LRRC4B: variants seen among roughly 807,000 people sequenced by gnomAD.
LRRC4B encodes leucine-rich repeat-containing protein 4B.
Under a neutral mutation model 7.3 loss-of-function variants are expected in LRRC4B, and 1 was observed. The ratio of observed to expected loss-of-function variants is 0.14; its 90% confidence interval spans 0.05 to 0.65. The LOEUF (loss-of-function observed/expected upper bound fraction) is 0.65, where lower values mean the gene tolerates loss of function less well. LRRC4B is among the 30% of genes least tolerant of loss of function. The pLI, the probability that LRRC4B is intolerant of heterozygous loss-of-function variation, is 0.84. For missense variants in LRRC4B, 730 were observed against 1,041.6 expected (o/e 0.70, Z 4.12); for synonymous variants, 500 against 499.2 (o/e 1.00, Z -0.02).
chr19:50,549,002 G>C, intron 1 of LRRC4B, 129 bp from the exon 2 acceptor site: 4 of 588,838 alleles, frequency 6.8e-6, no homozygotes, highest in Non-Finnish European at 5.9e-6. Flanking sequence ...AAGGGACAGG[G>C]AGGGAGACAG....
intron 1 of LRRC4B, among the ~76,000 whole-genome samples, chr19:50,554,623 G>A (rs1982210270): frequency 6.6e-6 from 1 of 152,160 alleles, no homozygotes; most frequent in Non-Finnish European, 1.5e-5. Context: ...ACACACATCT[G>A]ACTTGCGTGA....
intron 2 of LRRC4B, among the ~76,000 whole-genome samples, chr19:50,535,027 C>A (rs1218389281): frequency 1.3e-5 from 2 of 151,938 alleles, no homozygotes. Flanking sequence ...TGCCACCACA[C>A]CCAGCTAATT....
rs543290446 is a variant in LRRC4B, at chr19:50,518,333, C to G, written c.1380G>C (p.Ala460=). The G allele has an allele frequency of 3.1e-6, 5 of 1,605,838 alleles. No homozygotes were observed. Among genetic ancestry groups the G allele is most frequent in the African/African-American group, 1.3e-5 (1 of 74,642 alleles). ...TLNVSAVDPV[A]AGGTGSGGGG... is the part of the protein sequence containing the mutation. ...CCCCGCCGCTGCCGGTGCCCCCGGC[C>G]GCCACGGGGTCCACGGCCGAGACGT... The change falls in exon 3 of 3, where the codon GCG becomes GCC. Residue 460 remains alanine, a synonymous_variant. Coordinates refer to ENST00000652263, the MANE Select transcript of LRRC4B (RefSeq NM_001080457.2).
At position 50,517,219 on chromosome 19, in the gene LRRC4B, T is replaced by G. The variant is rs1980303852; in HGVS notation, c.*352A>C. 5.0e-6 allele frequency: 1 copy of G among 201,424 alleles called. No homozygotes were observed. The highest frequency in any genetic ancestry group is 1.0e-5 in the Non-Finnish European group (1 of 100,482). The allele number at this position is 201,424 out of a possible 1,614,324, so 12.5% of individuals were successfully genotyped here. Reference sequence around the variant, plus strand: ...TGGGGCCGAGGGGAAAGGACACCCCTGGAGAAAGCTCCTCTCTCCCCTGGA... The same window carrying G: ...TGGGGCCGAGGGGAAAGGACACCCCGGGAGAAAGCTCCTCTCTCCCCTGGA... On this transcript the variant is annotated 3_prime_UTR_variant, in exon 3 of 3. Coordinates refer to ENST00000652263, the MANE Select transcript of LRRC4B (RefSeq NM_001080457.2). The surrounding 1 kb of genome is among the most constrained non-coding windows in gnomAD (Gnocchi z 6.6).
Position 50,518,169 on chromosome 19 carries a change from C to T in LRRC4B, c.1544G>A (p.Gly515Glu), listed in dbSNP as rs766126146. 1.5e-5 allele frequency: 24 copies of T among 1,607,066 alleles called. No individual in the cohort carries two copies. The highest frequency in any genetic ancestry group is 2.0e-5 in the Non-Finnish European group (24 of 1,178,608). ...ACCCCAGACACCGTCTGTCGTGGGC[C>T]CTGGCGGTTCCTTCTCCGTCCCCCG... ...QPRGTEKEPP[G>E]PTTDGVWGGG... The change falls in exon 3 of 3, where the codon GGG becomes GAG. Residue 515 changes from glycine (G) to glutamate (E), a missense_variant. Around this residue, in one of 6 missense-constraint regions of LRRC4B, gnomAD observed 192 missense variants for 228.6 expected, o/e 0.84. Coordinates refer to ENST00000652263, the MANE Select transcript of LRRC4B (RefSeq NM_001080457.2).
Position 50,517,180 on chromosome 19 carries a change from A to C in LRRC4B, c.*391T>G. ...CGTCAAACTGCAAAAACTGAACCGT[A>C]AAAGGAAGGTGTTTGGGGCCGAGGG... On this transcript the variant is annotated 3_prime_UTR_variant, in exon 3 of 3. Transcript: ENST00000652263. This position sits in a 1 kb window ranked among gnomAD's most constrained non-coding sequence, Gnocchi z 6.6. 1.2e-5 allele frequency: 2 copies of C among 162,266 alleles called. No homozygotes were observed. Among genetic ancestry groups the C allele is most frequent in the East Asian group, 1.7e-4 (1 of 5,758 alleles). The allele number at this position is 162,266 out of a possible 1,614,324, so 10.1% of individuals were successfully genotyped here. A position where few individuals can be genotyped will look rare whatever the true frequency, so the allele number is the denominator to read the frequency against.
At chr19:50,533,032 T>C (rs1170567688) in intron 2 of LRRC4B, among the ~76,000 whole-genome samples, 2 of 152,234 alleles carry the variant, frequency 1.3e-5, no homozygotes, top group African/African-American at 4.8e-5. Flanking sequence ...TCATTAAAGC[T>C]ACATCACCTT....
chr19:50,554,365 C>T (rs564874529), intron 1 of LRRC4B, among the ~76,000 whole-genome samples: 1 of 152,064 alleles, frequency 6.6e-6, no homozygotes, highest in African/African-American at 2.4e-5. Context: ...GGGTCACCCT[C>T]CGTGCCCCAG....
intron 1 of LRRC4B, among the ~76,000 whole-genome samples, chr19:50,566,368 G>A (rs1207090242): frequency 6.6e-6 from 1 of 151,882 alleles, no homozygotes; most frequent in Admixed American, 6.5e-5. Context: ...AGCTGGAGAG[G>A]GGGGCGGGGA....
chr19:50,540,032 T>TA (rs1457628425), intron 2 of LRRC4B, among the ~76,000 whole-genome samples: 1 of 152,198 alleles, frequency 6.6e-6, no homozygotes, highest in African/African-American at 2.4e-5. Flanking sequence ...CTCGGTCTTT[T>TA]AAAATATATT....
chr19:50,519,377 C>T lies in LRRC4B; in HGVS notation c.336G>A (p.Leu112=), dbSNP rs754389357. The T allele has an allele frequency of 5.0e-6, 8 of 1,606,842 alleles. No homozygotes were observed. The highest frequency in any genetic ancestry group is 8.5e-7 in the Non-Finnish European group (1 of 1,178,912). ...GGTTCTTGCTCAGCTGCAGAATCTC[C>T]AGGTGCCGCAGGTGCTTGAACGTGT... ...RTDTFKHLRH[L]EILQLSKNLV... The change falls in exon 3 of 3, where the codon CTG becomes CTA. Residue 112 remains leucine, a synonymous_variant. Transcript: ENST00000652263. This position sits in a 1 kb window ranked among gnomAD's most constrained non-coding sequence, Gnocchi z 8.1.
At chr19:50,528,127 CA>C (rs1980898479) in intron 2 of LRRC4B, among the ~76,000 whole-genome samples, 1 of 152,036 alleles carries the variant, frequency 6.6e-6, no homozygotes. Flanking sequence ...ACTGCAGCCT[CA>C]ACCTCCTGGG....
intron 2 of LRRC4B, among the ~76,000 whole-genome samples, chr19:50,542,403 G>A (rs1264996038): frequency 6.6e-5 from 10 of 152,144 alleles, no homozygotes. Flanking sequence ...GAGGCTCCAG[G>A]CTTGCAGGCC....
rs559851826 is a variant in LRRC4B, at chr19:50,542,071, G to A, written c.297+6471C>T. Among the ~76,000 whole-genome samples, 5 of 152,312 alleles carry A rather than the reference G, an allele frequency of 3.3e-5. No homozygotes were observed. In the South Asian group the frequency reaches 1.0e-3, roughly 32 times the overall value. ...TAAATTAAGAATACGTGTACGCAAA[G>A]CAACAATACCCATTTTGCAAGAACA... On this transcript the variant is annotated intron_variant, in intron 2 of 2. Coordinates refer to ENST00000652263, the MANE Select transcript of LRRC4B (RefSeq NM_001080457.2).
intron 2 of LRRC4B, among the ~76,000 whole-genome samples, chr19:50,529,677 C>A (rs916165586): frequency 6.6e-6 from 1 of 152,022 alleles, no homozygotes; most frequent in Non-Finnish European, 1.5e-5. Flanking sequence ...TGATGATGCA[C>A]GCCTGTAATC....
At chr19:50,557,212 G>C (rs1397746981) in intron 1 of LRRC4B, among the ~76,000 whole-genome samples, 1 of 152,144 alleles carries the variant, frequency 6.6e-6, no homozygotes, top group Admixed American at 6.5e-5. Flanking sequence ...AGAGGGAGGA[G>C]CCAGGCTCTT....
At chr19:50,536,538 C>T (rs1179055678) in intron 2 of LRRC4B, among the ~76,000 whole-genome samples, 1 of 152,162 alleles carries the variant, frequency 6.6e-6, no homozygotes, top group Non-Finnish European at 1.5e-5. Context: ...CTGGCACACA[C>T]TAGGTGCTCA....
In LRRC4B at chr19:50,563,170, C is replaced by A. The variant is rs564658847; in HGVS notation, c.-36+4774G>T. ...CCGCCTGCCTCCCGCAGTGAGCCCC[C>A]ATCAGCCCCTCTCGTGGGTCTCCAA... On this transcript the variant is annotated intron_variant, in intron 1 of 2. Coordinates refer to ENST00000652263, the MANE Select transcript of LRRC4B (RefSeq NM_001080457.2). This position sits in a 1 kb window ranked among gnomAD's most constrained non-coding sequence, Gnocchi z 4.9. Among the ~76,000 whole-genome samples the A allele has an allele frequency of 6.6e-6, 1 of 152,308 alleles. No individual in the cohort carries two copies. Among genetic ancestry groups the A allele is most frequent in the African/African-American group, 2.4e-5 (1 of 41,574 alleles).
intron 2 of LRRC4B, among the ~76,000 whole-genome samples, chr19:50,526,583 C>G (rs1458443982): frequency 6.6e-6 from 1 of 152,218 alleles, no homozygotes; most frequent in East Asian, 1.9e-4. Flanking sequence ...TGGCTTACGC[C>G]TGTAATCCCA....
Sources: allele counts gnomAD v4.1 joint callset (sites outside exome capture counted in the v4.1 genomes callset), GRCh38; gene constraint gnomAD v4.1.1; regional missense constraint gnomAD v4.1.1; non-coding constraint Gnocchi (gnomAD v3.1); transcripts MANE v1.5; gene names NCBI Gene and HGNC (gene_info 2026-07-23, HGNC 2026-07-21).